FAM186B: variants seen among roughly 807,000 people sequenced by gnomAD.
FAM186B encodes the protein family with sequence similarity 186 member B.
FAM186B carries 68 observed loss-of-function variants against 83.4 expected under a neutral mutation model. That is an observed-to-expected ratio of 0.81 (90% CI 0.67 to 1.00). The LOEUF (loss-of-function observed/expected upper bound fraction) is 1.00. Ranked by LOEUF, FAM186B falls within the 50% of genes least tolerant of loss-of-function variation. FAM186B has a pLI of 0.00. For synonymous variants in FAM186B, 389 were observed against 422.0 expected, an observed-to-expected ratio of 0.92 and a Z score of 0.96; for missense variants, 983 against 1,099.2, an observed-to-expected ratio of 0.89 and a Z score of 1.49.
Position 49,599,954 on chromosome 12 carries a change from G to A in FAM186B, c.1686C>T (p.Pro562=). 6.2e-7 allele frequency: 1 copy of A among 1,613,944 alleles called. No homozygotes were observed. Among genetic ancestry groups the A allele is most frequent in the South Asian group, 1.1e-5 (1 of 91,060 alleles). Reference sequence around the variant, plus strand: ...TCTCCAAGTCCCTCCATCGACTGGTGGGTGTGAAGATCCTCCTCTCCACAT... The same window carrying A: ...TCTCCAAGTCCCTCCATCGACTGGTAGGTGTGAAGATCCTCCTCTCCACAT... ...GEDVERRIFT[P]TSRWRDLEKA... Residue 562 remains proline, a synonymous_variant, in exon 4 of 7, where the codon CCC becomes CCT. Transcript: ENST00000257894.
At chr12:49,592,157 T>C (rs1168366741) in intron 5 of FAM186B, among the ~76,000 whole-genome samples, 1 of 152,174 alleles carries the variant, frequency 6.6e-6, no homozygotes, top group East Asian at 1.9e-4. Context: ...TATTTGAAAG[T>C]AGACTATGAT....
At chr12:49,607,046 C>T (rs1940038189), upstream of FAM186B, among the ~76,000 whole-genome samples, 1 of 151,902 alleles carries the variant, frequency 6.6e-6, no homozygotes, top group African/African-American at 2.4e-5. Context: ...AAAGAAATCA[C>T]AGGGAAAGTT....
Position 49,600,100 on chromosome 12 carries a change from G to A in FAM186B, c.1540C>T (p.His514Tyr). 1 of 1,611,460 alleles carries A rather than the reference G, an allele frequency of 6.2e-7. No individual in the cohort carries two copies. The highest frequency in any genetic ancestry group is 8.5e-7 in the Non-Finnish European group (1 of 1,178,630). The change falls in exon 4 of 7, where the codon CAT becomes TAT. Residue 514 changes from histidine (H) to tyrosine (Y), a missense_variant. His to Tyr is a moderately conservative substitution (Grantham distance 83). Transcript: ENST00000257894. This position sits in a 1 kb window ranked among gnomAD's most constrained non-coding sequence, Gnocchi z 4.3. ...TTCCACTGCCGCAGCTTCTCCTGAT[G>A]CTCCTGCTCCAGCAGGGCCCACTTC... is the stretch of plus-strand genomic sequence containing the variant. Reference protein sequence around the residue: ...QKKWALLEQEHQEKLRQWNLE... With the variant: ...QKKWALLEQEYQEKLRQWNLE...
At chr12:49,617,329 G>A in the FAM186B span, among the ~76,000 whole-genome samples, 1 of 152,102 alleles carries the variant, frequency 6.6e-6, no homozygotes, top group South Asian at 2.1e-4. Context: ...CAGACGGCTC[G>A]AGCCCAGAAG....
Position 49,603,288 on chromosome 12 carries a change from C to G in FAM186B, c.402G>C (p.Thr134=), listed in dbSNP as rs763162480. The change falls in exon 3 of 7, where the codon ACG becomes ACC. Residue 134 remains threonine (T), a synonymous_variant. Transcript: ENST00000257894. The stretch of plus-strand genomic sequence containing the variant: ...TGAGGGACAGCGGTAACACTTTCTC[C>G]GTCACTTCAATCCATTCGTCCAGAG... ...AAALDEWIEV[T]EKVLPLSLIA... is the part of the protein sequence containing the mutation. 6.2e-7 allele frequency: 1 copy of G among 1,614,192 alleles called. No individual in the cohort carries two copies. Among genetic ancestry groups the G allele is most frequent in the Non-Finnish European group, 8.5e-7 (1 of 1,180,046 alleles).
intron 5 of FAM186B, among the ~76,000 whole-genome samples, chr12:49,593,660 G>T (rs570882458): frequency 6.7e-6 from 1 of 149,300 alleles, no homozygotes; most frequent in South Asian, 2.1e-4. Flanking sequence ...AAGAAAGAGG[G>T]CCATTTCATA....
At chr12:49,603,418 G>A in intron 2 of FAM186B, 51 bp from the exon 3 acceptor site, 1 of 1,584,202 alleles carries the variant, frequency 6.3e-7, no homozygotes, top group Non-Finnish European at 8.6e-7. Flanking sequence ...CCTCCAGGGG[G>A]ACACAGACAG....
At chr12:49,621,709 G>T in the FAM186B span, among the ~76,000 whole-genome samples, 2 of 152,218 alleles carry the variant, frequency 1.3e-5, no homozygotes, top group Non-Finnish European at 2.9e-5. Context: ...TCTCCCTGGG[G>T]AGGACAGACC....
At chr12:49,616,154 C>A in the FAM186B span, among the ~76,000 whole-genome samples, 6 of 152,038 alleles carry the variant, frequency 3.9e-5, no homozygotes, top group African/African-American at 1.4e-4. Context: ...CTCAGCCTCC[C>A]AAGTAGCTGG....
rs748717891 is a variant in FAM186B at position 49,600,704 on chromosome 12, C to A, written c.936G>T (p.Gln312His). 6.2e-7 allele frequency: 1 copy of A among 1,614,198 alleles called. No individual in the cohort carries two copies. Among genetic ancestry groups the A allele is most frequent in the South Asian group, 1.1e-5 (1 of 91,082 alleles). ...CCTTCTTCAGCTGGAACTCCAAGGC[C>A]TGCTTCATCAGGAGAAGGTCATGGT... is the stretch of plus-strand genomic sequence containing the variant. ...GRYHDLLLMK[Q>H]ALEFQLKKAQ... The change falls in exon 4 of 7, where the codon CAG becomes CAT. Residue 312 changes from glutamine (Q) to histidine (H), a missense_variant. Transcript: ENST00000257894. The surrounding 1 kb of genome is among the most constrained non-coding windows in gnomAD (Gnocchi z 4.3).
chr12:49,592,270 G>A lies in FAM186B; in HGVS notation c.2365-3647C>T, dbSNP rs141472840. On this transcript the variant is annotated intron_variant, in intron 5 of 6. Coordinates refer to ENST00000257894, the MANE Select transcript of FAM186B (RefSeq NM_032130.3). The stretch of plus-strand genomic sequence containing the variant: ...GGGCAGAGCACATGATCAGGAGTTC[G>A]AGACCAGCCTGACCAACATGGTGAA... Among the ~76,000 whole-genome samples the A allele has an allele frequency of 9.4e-3, 1,427 of 151,870 alleles. 19 individuals are homozygous for A. The highest frequency in any genetic ancestry group is 0.032 in the African/African-American group (1,334 of 41,414).
chr12:49,614,010 C>G, the FAM186B span, among the ~76,000 whole-genome samples: 1 of 151,758 alleles, frequency 6.6e-6, no homozygotes, highest in East Asian at 1.9e-4. Flanking sequence ...ATTAGCCAGG[C>G]ATGGCAGCGG....
chr12:49,596,797 A>C (rs1939737069), intron 5 of FAM186B, among the ~76,000 whole-genome samples: 1 of 152,194 alleles, frequency 6.6e-6, no homozygotes, highest in Non-Finnish European at 1.5e-5. Context: ...AAGGAACAGA[A>C]TCGCCACCTT....
At chr12:49,583,036 C>T (rs1320586220), downstream of FAM186B, 8 of 456,142 alleles carry the variant, frequency 1.8e-5, no homozygotes, top group Middle Eastern at 3.2e-4. Context: ...CGCTAGAGGA[C>T]GTGCAGAAGG....
chr12:49,619,612 G>A, the FAM186B span: 66 of 576,850 alleles, frequency 1.1e-4, no homozygotes, highest in Admixed American at 6.2e-4. Flanking sequence ...AACCTACACC[G>A]TAGAAGAAAT....
upstream of FAM186B, among the ~76,000 whole-genome samples, chr12:49,607,769 G>A (rs1336473684): frequency 3.9e-5 from 6 of 151,968 alleles, no homozygotes; most frequent in Non-Finnish European, 7.4e-5. Context: ...GCGTGATCTC[G>A]GCTCACTGCA....
chr12:49,608,698 T>A (rs564342405), upstream of FAM186B, among the ~76,000 whole-genome samples: 1 of 151,786 alleles, frequency 6.6e-6, no homozygotes, highest in African/African-American at 2.4e-5. Flanking sequence ...ACAGCCCCCG[T>A]GATGGCATTT....
chr12:49,588,502 T>A lies in FAM186B; in HGVS notation c.2486A>T (p.Gln829Leu). ...TGCCCGGTGCCTAGACAGAAAGGGCTGCTTGTAGGTGGGGCCACTGGGGCG... is the reference window on the plus strand; with the variant it reads ...TGCCCGGTGCCTAGACAGAAAGGGCAGCTTGTAGGTGGGGCCACTGGGGCG... ...HIRPSGPTYK[Q>L]PFLSRHRACV... Residue 829 changes from glutamine (Q) to leucine (L), a missense_variant, in exon 6 of 7, where the codon CAG becomes CTG. By Grantham distance (113) the Gln-to-Leu change is moderately radical. Coordinates refer to ENST00000257894, the MANE Select transcript of FAM186B (RefSeq NM_032130.3). The A allele has an allele frequency of 6.2e-7, 1 of 1,613,510 alleles. No homozygotes were observed. The highest frequency in any genetic ancestry group is 8.5e-7 in the Non-Finnish European group (1 of 1,179,736).
intron 3 of FAM186B, 101 bp downstream of exon 3, chr12:49,603,084 G>C: frequency 7.8e-7 from 1 of 1,285,188 alleles, no homozygotes; most frequent in Non-Finnish European, 1.1e-6. Context: ...TTCTGTGATG[G>C]AGGAGAATCA....
Sources: allele counts gnomAD v4.1 joint callset (sites outside exome capture counted in the v4.1 genomes callset), GRCh38; gene constraint gnomAD v4.1.1; non-coding constraint Gnocchi (gnomAD v3.1); transcripts MANE v1.5; gene names NCBI Gene and HGNC (gene_info 2026-07-23, HGNC 2026-07-21).